ATM: variants seen among roughly 807,000 people sequenced by gnomAD.
ATM encodes serine-protein kinase ATM.
ATM carries 308 observed loss-of-function variants against 387.0 expected under a neutral mutation model. The observed-to-expected ratio is 0.80, with a 90% CI of 0.73 to 0.87. The LOEUF (loss-of-function observed/expected upper bound fraction) is 0.87. Ranked by LOEUF, ATM falls within the 40% of genes least tolerant of loss-of-function variation. The probability of loss-of-function intolerance (pLI) is 0.00; values close to 1 mark genes in which losing one functional copy is unlikely to be tolerated. For missense variants in ATM, 3,312 were observed against 3,560.9 expected (o/e 0.93, Z 1.78); for synonymous variants, 1,156 against 1,187.3 (o/e 0.97, Z 0.54).
At chr11:108,270,203 C>CA (rs2081497174) in intron 18 of ATM, among the ~76,000 whole-genome samples, 1 of 152,090 alleles carries the variant, frequency 6.6e-6, no homozygotes, top group African/African-American at 2.4e-5. Context: ...GTGCATAGTA[C>CA]CATAAAGAGC....
At chr11:108,364,612 C>T (rs2091141800) in intron 61 of ATM, among the ~76,000 whole-genome samples, 1 of 152,132 alleles carries the variant, frequency 6.6e-6, no homozygotes, top group African/African-American at 2.4e-5. Context: ...ATCAGAATTT[C>T]AGATTTGTTA....
In ATM at chr11:108,289,683, A is replaced by G; in HGVS notation, c.4318A>G (p.Lys1440Glu). Reference sequence around the variant, plus strand: ...TGTTTATAAGAAGCACAGAATTCTTAAAATATATCACCTGTTTGTTAGTTT... The same window carrying G: ...TGTTTATAAGAAGCACAGAATTCTTGAAATATATCACCTGTTTGTTAGTTT... ...NNVYKKHRIL[K>E]IYHLFVSLLL... Residue 1440 changes from lysine to glutamate, a missense_variant, in exon 29 of 63, where the codon AAA becomes GAA. Physicochemically the swap from Lys to Glu is moderately conservative, Grantham distance 56. This residue lies in a region of ATM where 1,791 missense variants were observed against 1,804.5 expected (regional missense o/e 0.99). Coordinates refer to ENST00000675843, the MANE Select transcript of ATM (RefSeq NM_000051.4). The G allele has an allele frequency of 1.9e-6, 3 of 1,613,442 alleles. No homozygotes were observed. Among genetic ancestry groups the G allele is most frequent in the Non-Finnish European group, 8.5e-7 (1 of 1,179,810 alleles).
intron 59 of ATM, among the ~76,000 whole-genome samples, chr11:108,351,897 T>G (rs528386242): frequency 6.6e-6 from 1 of 152,304 alleles, no homozygotes; most frequent in East Asian, 1.9e-4. Flanking sequence ...GACTCACTCC[T>G]TGGTGTCAGT....
chr11:108,256,624 C>T (rs1035304771), intron 14 of ATM, among the ~76,000 whole-genome samples: 1 of 152,108 alleles, frequency 6.6e-6, no homozygotes, highest in Non-Finnish European at 1.5e-5. Context: ...CCCATCAACT[C>T]GTCATCTGCA....
chr11:108,267,483 C>G (rs1439572989), intron 17 of ATM, 141 bp downstream of exon 17: 1 of 625,428 alleles, frequency 1.6e-6, no homozygotes, highest in Non-Finnish European at 2.6e-6. Flanking sequence ...TTCTTATATA[C>G]TTTATTTTTT....
chr11:108,259,773 A>G (rs919413447), intron 16 of ATM, among the ~76,000 whole-genome samples: 1 of 152,170 alleles, frequency 6.6e-6, no homozygotes, highest in African/African-American at 2.4e-5. Flanking sequence ...TTTTTCTTCC[A>G]TACAAATGGG....
intron 3 of ATM, among the ~76,000 whole-genome samples, chr11:108,228,589 G>A (rs1367670607): frequency 6.6e-6 from 1 of 152,144 alleles, no homozygotes; most frequent in Non-Finnish European, 1.5e-5. Context: ...TTTATTTTTA[G>A]CTCCTGTTTG....
intron 23 of ATM, among the ~76,000 whole-genome samples, chr11:108,279,949 G>C (rs896299633): frequency 1.3e-5 from 2 of 152,144 alleles, no homozygotes; most frequent in Admixed American, 1.3e-4. Flanking sequence ...GGGAAGAAAT[G>C]GATTGAGGAG....
intron 45 of ATM, among the ~76,000 whole-genome samples, 172 bp from the exon 46 acceptor site, chr11:108,325,138 T>C (rs180998882): frequency 3.6e-4 from 55 of 152,226 alleles, no homozygotes; most frequent in African/African-American, 1.2e-3. Context: ...CATTTTGTAG[T>C]TTTCTAAATT....
intron 56 of ATM, among the ~76,000 whole-genome samples, chr11:108,339,624 T>G (rs1378425731): frequency 6.6e-6 from 1 of 152,130 alleles, no homozygotes; most frequent in Non-Finnish European, 1.5e-5. Flanking sequence ...GAAATTCAAA[T>G]TCAGCTCTTT....
intron 39 of ATM, 110 bp from the exon 40 acceptor site, chr11:108,312,300 GT>G: frequency 1.2e-6 from 1 of 802,638 alleles, no homozygotes. Flanking sequence ...GATTTATTCT[GT>G]TTTGTTTGCC....
intron 37 of ATM, among the ~76,000 whole-genome samples, chr11:108,307,562 C>T (rs113821007): frequency 0.017 from 2,595 of 152,266 alleles, 43 homozygotes; most frequent in Middle Eastern, 0.065. Flanking sequence ...TGTAATGTCC[C>T]AGGCTAGTCA....
At chr11:108,288,801 T>C (rs998296422) in intron 27 of ATM, among the ~76,000 whole-genome samples, 176 bp from the exon 28 acceptor site, 4 of 152,210 alleles carry the variant, frequency 2.6e-5, no homozygotes, top group Non-Finnish European at 4.4e-5. Context: ...ATCTGATTTA[T>C]ATATCTGGAC....
intron 4 of ATM, among the ~76,000 whole-genome samples, chr11:108,233,622 G>A (rs2079127469): frequency 7.0e-6 from 1 of 142,838 alleles, no homozygotes; most frequent in Non-Finnish European, 1.5e-5. Flanking sequence ...GTACTTTTAA[G>A]AAAGATTTGA....
intron 56 of ATM, among the ~76,000 whole-genome samples, chr11:108,341,270 A>G (rs1243811442): frequency 6.6e-6 from 1 of 151,616 alleles, no homozygotes; most frequent in Non-Finnish European, 1.5e-5. Context: ...CACACCAGTC[A>G]CTCCCTTACT....
At chr11:108,285,868 T>C (rs1484800484) in intron 26 of ATM, among the ~76,000 whole-genome samples, 1 of 152,184 alleles carries the variant, frequency 6.6e-6, no homozygotes, top group Admixed American at 6.5e-5. Context: ...ATTCTTAATC[T>C]TACTATTCTT....
intron 8 of ATM, 145 bp from the exon 9 acceptor site, chr11:108,248,788 T>C (rs2079976892): frequency 1.5e-6 from 1 of 657,446 alleles, no homozygotes; most frequent in African/African-American, 1.8e-5. Context: ...CTCGGGAGGC[T>C]GAGGCAGGAG....
intron 4 of ATM, among the ~76,000 whole-genome samples, chr11:108,235,295 C>CAAA (rs781029926): frequency 1.3e-5 from 1 of 77,740 alleles, no homozygotes; most frequent in African/African-American, 4.1e-5. Flanking sequence ...GATTCCATCT[C>CAAA]AAAAAAAAAA....
At chr11:108,340,433 A>G (rs1247235664) in intron 56 of ATM, 1 of 152,190 alleles carries the variant, frequency 6.6e-6, no homozygotes, top group African/African-American at 2.4e-5. Context: ...ACAATTCACA[A>G]AAATTCCTAA....
Sources: allele counts gnomAD v4.1 joint callset (sites outside exome capture counted in the v4.1 genomes callset), GRCh38; gene constraint gnomAD v4.1.1; regional missense constraint gnomAD v4.1.1; transcripts MANE v1.5; gene names NCBI Gene and HGNC (gene_info 2026-07-23, HGNC 2026-07-21).